Variants in MARK4 observed in about 807,000 individuals in gnomAD.
MARK4 encodes microtubule affinity regulating kinase 4, also known as MAP/microtubule affinity-regulating kinase 4.
A neutral mutation model predicts 81.5 loss-of-function variants in MARK4; 19 were observed. That is an observed-to-expected ratio of 0.23 (90% confidence interval 0.16 to 0.34). The LOEUF is 0.34. MARK4 is among the 10% of genes least tolerant of loss of function. The pLI, the probability that MARK4 is intolerant of heterozygous loss-of-function variation, is 1.00. For synonymous variants in MARK4, 436 were observed against 439.0 expected, an observed-to-expected ratio of 0.99 and a Z score of 0.08; for missense variants, 772 against 1,058.8, an observed-to-expected ratio of 0.73 and a Z score of 3.76.
intron 14 of MARK4, among the ~76,000 whole-genome samples, chr19:45,297,092 C>T (rs1970897318): frequency 6.6e-6 from 1 of 151,122 alleles, no homozygotes; most frequent in Admixed American, 6.6e-5. Context: ...GTGGCACACG[C>T]TTGTAATCCC....
chr19:45,271,805 A>T lies in MARK4; in HGVS notation c.786+97A>T. 1 of 1,193,444 alleles carries T rather than the reference A, an allele frequency of 8.4e-7. No homozygotes were observed. Among genetic ancestry groups the T allele is most frequent in the Non-Finnish European group, 1.2e-6 (1 of 842,494 alleles). The allele number at this position is 1,193,444 out of a possible 1,614,324, so 73.9% of individuals were successfully genotyped here. A position where few individuals can be genotyped will look rare whatever the true frequency, so the allele number is the denominator to read the frequency against. On this transcript the variant is annotated intron_variant, in intron 8 of 16. Coordinates refer to ENST00000262891, the MANE Select transcript of MARK4 (RefSeq NM_001199867.2). This position sits in a 1 kb window ranked among gnomAD's most constrained non-coding sequence, Gnocchi z 4.1. ...CCCTGCAGAGGGCCTCAGTGGTGGG[A>T]CTGGCCTGAGTTCTCATGGGAAGAT...
In MARK4 at chr19:45,251,584, AG is replaced by A; in HGVS notation, c.-4del. On this transcript the variant is annotated 5_prime_UTR_variant, in exon 1 of 17. Transcript: ENST00000262891. ...GCCGCCCCTGCCCCCCGGGACCCGG[AG>A]AAGATGTCTTCGCGGACGGTGCTGG... The A allele has an allele frequency of 9.2e-7, 1 of 1,086,696 alleles. No individual in the cohort carries two copies. Among genetic ancestry groups the A allele is most frequent in the Non-Finnish European group, 1.1e-6 (1 of 880,310 alleles). 67.3% of individuals were successfully genotyped at this position (1,086,696 alleles called of 1,614,324 possible).
rs1970988727 is a variant in MARK4 at position 45,302,446 on chromosome 19, C to G, written c.1995C>G (p.Thr665=). The G allele has an allele frequency of 1.2e-6, 2 of 1,613,762 alleles. No individual in the cohort carries two copies. The highest frequency in any genetic ancestry group is 1.7e-6 in the Non-Finnish European group (2 of 1,179,964). ...GATTCCCCTGGAGTGTGAAGCTGAC[C>G]AGCTCGCGCCCTCCTGAGGCCCTGA... is the stretch of plus-strand genomic sequence containing the variant. ...LLRFPWSVKL[T]SSRPPEALMA... Residue 665 remains threonine (T), a synonymous_variant, in exon 17 of 17, where the codon ACC becomes ACG. Transcript: ENST00000262891. This position sits in a 1 kb window ranked among gnomAD's most constrained non-coding sequence, Gnocchi z 4.9.
At chr19:45,281,069 T>C (rs1970667991) in intron 12 of MARK4, among the ~76,000 whole-genome samples, 1 of 151,930 alleles carries the variant, frequency 6.6e-6, no homozygotes, top group African/African-American at 2.4e-5. Context: ...ATTTTTTTTT[T>C]TGAGATGGAG....
intron 8 of MARK4, among the ~76,000 whole-genome samples, chr19:45,275,672 A>G (rs1970589022): frequency 6.6e-6 from 1 of 152,238 alleles, no homozygotes; most frequent in Non-Finnish European, 1.5e-5. Context: ...CACAGGCTCC[A>G]GAGCCAAGGC....
intron 10 of MARK4, among the ~76,000 whole-genome samples, chr19:45,279,862 G>T (rs1332245414): frequency 6.6e-6 from 1 of 152,240 alleles, no homozygotes; most frequent in Non-Finnish European, 1.5e-5. Context: ...GAAGCAGTCA[G>T]TGTGGCTTTG....
At chr19:45,269,205 C>CTCG (rs1970494175) in intron 7 of MARK4, among the ~76,000 whole-genome samples, 1 of 152,084 alleles carries the variant, frequency 6.6e-6, no homozygotes, top group Non-Finnish European at 1.5e-5. Context: ...ATGGCAAGAC[C>CTCG]TCGTCTCTAC....
chr19:45,263,757 A>G (rs1048058597), intron 4 of MARK4, among the ~76,000 whole-genome samples: 1 of 151,048 alleles, frequency 6.6e-6, no homozygotes, highest in African/African-American at 2.4e-5. Context: ...AAAAAAAAAA[A>G]GAAAAAGTTA....
At chr19:45,268,308 T>C (rs1251322339) in intron 7 of MARK4, among the ~76,000 whole-genome samples, 1 of 151,668 alleles carries the variant, frequency 6.6e-6, no homozygotes, top group Admixed American at 6.6e-5. Context: ...TTAGCTTGGC[T>C]GGACGCGGTG....
intron 14 of MARK4, 117 bp from the exon 15 acceptor site, chr19:45,297,559 C>G: frequency 1.6e-6 from 1 of 631,636 alleles, no homozygotes; most frequent in Non-Finnish European, 2.7e-6. Context: ...AGCCCTGTCT[C>G]TGAGTTCCAG....
rs2123124624 is a variant in MARK4 at position 45,304,841 on chromosome 19, G to A, written c.*2131G>A. 6.6e-6 allele frequency: 1 copy of A among 152,494 alleles called. No individual in the cohort carries two copies. The highest frequency in any genetic ancestry group is 1.9e-4 in the East Asian group (1 of 5,182). The allele number at this position is 152,494 out of a possible 1,614,324, so 9.4% of individuals were successfully genotyped here. On this transcript the variant is annotated 3_prime_UTR_variant, in exon 17 of 17. Transcript: ENST00000262891. ...GCAAATGGCACATACAAGGGCCAGG[G>A]AGCAAGAGAGAGGACAGGTCCTCAA...
chr19:45,292,860 A>G (rs1970836849), intron 13 of MARK4, among the ~76,000 whole-genome samples: 1 of 152,020 alleles, frequency 6.6e-6, no homozygotes, highest in East Asian at 1.9e-4. Flanking sequence ...CATCAGAACA[A>G]GACCCCATCT....
At chr19:45,282,351 C>G (rs1970686841) in intron 12 of MARK4, among the ~76,000 whole-genome samples, 1 of 151,818 alleles carries the variant, frequency 6.6e-6, no homozygotes, top group Non-Finnish European at 1.5e-5. Flanking sequence ...TTTTTAACGG[C>G]TTTATTAAGG....
chr19:45,273,749 G>A (rs544972931), intron 8 of MARK4, among the ~76,000 whole-genome samples: 2 of 152,310 alleles, frequency 1.3e-5, no homozygotes, highest in African/African-American at 2.4e-5. Flanking sequence ...CAGCTGGGAC[G>A]CTCTGTCCTG....
At chr19:45,280,035 A>G in intron 10 of MARK4, 1 of 297,404 alleles carries the variant, frequency 3.4e-6, no homozygotes, top group South Asian at 3.6e-5. Flanking sequence ...AAGAGCAGAC[A>G]CCAGTGAATG....
intron 12 of MARK4, among the ~76,000 whole-genome samples, chr19:45,282,596 G>A (rs1032963565): frequency 1.3e-4 from 20 of 152,082 alleles, no homozygotes; most frequent in African/African-American, 4.6e-4. Context: ...AGGAAGCCGA[G>A]GTGGGAGGAT....
At chr19:45,258,041 A>C (rs936115243) in intron 1 of MARK4, among the ~76,000 whole-genome samples, 2 of 143,906 alleles carry the variant, frequency 1.4e-5, no homozygotes, top group African/African-American at 5.2e-5. Flanking sequence ...GCTAGAGTGC[A>C]GTAGAGCGAT....
In MARK4 at chr19:45,302,367, G is replaced by A. The variant is rs1202806326; in HGVS notation, c.1923-7G>A. 4 of 1,613,918 alleles carry A rather than the reference G, an allele frequency of 2.5e-6. No individual in the cohort carries two copies. The highest frequency in any genetic ancestry group is 2.2e-5 in the East Asian group (1 of 44,888). On this transcript the variant is annotated splice_region_variant and splice_polypyrimidine_tract_variant and intron_variant, in intron 16 of 16. Coordinates refer to ENST00000262891, the MANE Select transcript of MARK4 (RefSeq NM_001199867.2). The surrounding 1 kb of genome is among the most constrained non-coding windows in gnomAD (Gnocchi z 4.9). ...CATCTCTGACCCCTGACATCTTCTC[G>A]CCTCAGTTGCCATCTACCTTGGGAT...
chr19:45,298,053 C>A, intron 15 of MARK4, 99 bp downstream of exon 15: 3 of 1,557,462 alleles, frequency 1.9e-6, no homozygotes, highest in Non-Finnish European at 2.6e-6. Flanking sequence ...CCAACATTTC[C>A]TCTTCCTCCT....
Sources: gnomAD v4.1 joint callset for allele counts (sites outside exome capture counted in the v4.1 genomes callset) on GRCh38, gnomAD v4.1.1 for gene constraint, Gnocchi (gnomAD v3.1) non-coding constraint, MANE v1.5 for transcripts, NCBI Gene and HGNC (gene_info 2026-07-23, HGNC 2026-07-21) for gene names.